Variants in DIP2A observed in about 807,000 individuals in gnomAD.
DIP2A encodes the protein disco-interacting protein 2 homolog A.
In DIP2A, 85 loss-of-function variants were observed where a neutral mutation model predicts 177.4. That is an observed-to-expected ratio of 0.48 (90% confidence interval 0.40 to 0.57). The LOEUF (loss-of-function observed/expected upper bound fraction) is 0.57. Among genes scored for constraint, DIP2A ranks in the 20% least tolerant of loss-of-function variants. The probability of loss-of-function intolerance (pLI) is 0.00; values close to 1 mark genes in which losing one functional copy is unlikely to be tolerated. For missense variants in DIP2A, 1,791 were observed against 2,100.2 expected (o/e 0.85, Z 2.88); for synonymous variants, 886 against 881.8 (o/e 1.00, Z -0.08).
At chr21:46,505,501 C>T (rs1426127000) in intron 6 of DIP2A, among the ~76,000 whole-genome samples, 2 of 151,994 alleles carry the variant, frequency 1.3e-5, no homozygotes, top group Non-Finnish European at 2.9e-5. Context: ...CCCAGCTACT[C>T]GGGAGACTGA....
At position 46,554,905 on chromosome 21, in the gene DIP2A, C is replaced by T. The variant is rs1196643347; in HGVS notation, c.3360C>T (p.Ile1120=). The T allele has an allele frequency of 6.4e-6, 10 of 1,552,436 alleles. No individual in the cohort carries two copies. Among genetic ancestry groups the T allele is most frequent in the Non-Finnish European group, 8.7e-6 (10 of 1,148,170 alleles). The part of the protein sequence containing the change: ...RSKEAAAAVD[I]RTWPTILDTD... ...AGGAGGCTGCTGCTGCCGTGGACAT[C>T]AGGACCTGGCCCACCATCCTAGACA... is the stretch of plus-strand genomic sequence containing the variant. Residue 1120 remains isoleucine, a synonymous_variant, in exon 28 of 38, where the codon ATC becomes ATT. Coordinates refer to ENST00000417564, the MANE Select transcript of DIP2A (RefSeq NM_015151.4).
rs367616491 is a variant in DIP2A at position 46,498,646 on chromosome 21, G to T, written c.468G>T (p.Pro156=). ...LRRPGRLTST[P]LQSHSSVEPW... is the part of the protein sequence containing the mutation. Reference sequence around the variant, plus strand: ...GACCCGGGCGACTCACCTCCACTCCGCTCCAGAGCCATTCCAGCGTCGAGC... The same window carrying T: ...GACCCGGGCGACTCACCTCCACTCCTCTCCAGAGCCATTCCAGCGTCGAGC... The change falls in exon 5 of 38, where the codon CCG becomes CCT. Residue 156 remains proline, a synonymous_variant. Coordinates refer to ENST00000417564, the MANE Select transcript of DIP2A (RefSeq NM_015151.4). This position sits in a 1 kb window ranked among gnomAD's most constrained non-coding sequence, Gnocchi z 4.3. 4 of 1,613,500 alleles carry T rather than the reference G, an allele frequency of 2.5e-6. No individual in the cohort carries two copies. The highest frequency in any genetic ancestry group is 2.2e-5 in the East Asian group (1 of 44,866).
At chr21:46,546,593 T>C (rs1262769981) in intron 20 of DIP2A, among the ~76,000 whole-genome samples, 1 of 152,200 alleles carries the variant, frequency 6.6e-6, no homozygotes, top group Non-Finnish European at 1.5e-5. Flanking sequence ...CCACAACTCG[T>C]TTCCCACTTG....
chr21:46,467,530 C>T (rs917343035), intron 1 of DIP2A, among the ~76,000 whole-genome samples: 1 of 152,064 alleles, frequency 6.6e-6, no homozygotes, highest in Admixed American at 6.6e-5. Context: ...ACATGGATGT[C>T]ATCATCTATT....
At chr21:46,578,178 G>C in the DIP2A span, among the ~76,000 whole-genome samples, 1 of 152,166 alleles carries the variant, frequency 6.6e-6, no homozygotes, top group Non-Finnish European at 1.5e-5. Flanking sequence ...CAGGCGTGGT[G>C]GTGTGTGCCT....
the DIP2A span, among the ~76,000 whole-genome samples, chr21:46,579,321 A>G: frequency 6.6e-6 from 1 of 151,974 alleles, no homozygotes; most frequent in Non-Finnish European, 1.5e-5. Context: ...TATCATTTTC[A>G]TTGTGTCCAT....
intron 1 of DIP2A, among the ~76,000 whole-genome samples, chr21:46,477,574 T>TGTGTGTGTGTGTGTA (rs1292980032): frequency 1.1e-5 from 1 of 93,722 alleles, no homozygotes; most frequent in Non-Finnish European, 2.5e-5. Context: ...TGTGTATTTC[T>TGTGTGTGTGTGTGTA]TTTTTTTTTT....
rs565387642 is a variant in DIP2A, at chr21:46,529,328, G to A, written c.1194+145G>A. ...AAAATCAGCAGTGAGGACTGGGTGC[G>A]GTGGCTCATGCCTGTAATCCTAGCA... On this transcript the variant is annotated intron_variant, in intron 9 of 37. Transcript: ENST00000417564. 4.2e-5 allele frequency: 25 copies of A among 596,284 alleles called. 1 individual carries two copies. The highest frequency in any genetic ancestry group is 3.8e-4 in the Middle Eastern group (1 of 2,598). The allele number at this position is 596,284 out of a possible 1,614,324, so 36.9% of individuals were successfully genotyped here.
chr21:46,491,017 G>A (rs1381466243), intron 3 of DIP2A, among the ~76,000 whole-genome samples: 1 of 152,044 alleles, frequency 6.6e-6, no homozygotes, highest in Non-Finnish European at 1.5e-5. Flanking sequence ...TAAAACTTTT[G>A]TACACTTTTT....
chr21:46,488,806 CCTT>C (rs1409185685), intron 2 of DIP2A, among the ~76,000 whole-genome samples: 1 of 152,128 alleles, frequency 6.6e-6, no homozygotes, highest in Non-Finnish European at 1.5e-5. Context: ...TATATCTACT[CCTT>C]CATCCAATAA....
chr21:46,473,376 T>C (rs1170390669), intron 1 of DIP2A, among the ~76,000 whole-genome samples: 3 of 149,578 alleles, frequency 2.0e-5, no homozygotes, highest in Non-Finnish European at 4.4e-5. Context: ...TGTGGGAGGA[T>C]TGCTTGAGAT....
chr21:46,473,168 G>C (rs1013728684), intron 1 of DIP2A, among the ~76,000 whole-genome samples: 1 of 152,122 alleles, frequency 6.6e-6, no homozygotes, highest in Non-Finnish European at 1.5e-5. Flanking sequence ...AAATGAGCAA[G>C]ATGAAAATAT....
At chr21:46,495,038 A>G (rs890936553) in intron 3 of DIP2A, among the ~76,000 whole-genome samples, 3 of 152,158 alleles carry the variant, frequency 2.0e-5, no homozygotes, top group East Asian at 3.9e-4. Context: ...GTACAGAGGT[A>G]AGACAGACTT....
At chr21:46,474,820 T>C (rs1303738983) in intron 1 of DIP2A, among the ~76,000 whole-genome samples, 3 of 152,156 alleles carry the variant, frequency 2.0e-5, no homozygotes, top group African/African-American at 7.2e-5. Flanking sequence ...TAGTCTAGGT[T>C]CTGGGAAATT....
chr21:46,494,151 A>G (rs975112091), intron 3 of DIP2A, among the ~76,000 whole-genome samples: 5 of 152,220 alleles, frequency 3.3e-5, no homozygotes, highest in African/African-American at 1.2e-4. Context: ...CAATGTTCAT[A>G]TGGCTTTTGC....
chr21:46,548,151 G>A (rs919028821), intron 21 of DIP2A, among the ~76,000 whole-genome samples: 1 of 152,072 alleles, frequency 6.6e-6, no homozygotes, highest in African/African-American at 2.4e-5. Context: ...CAGGGGGCTG[G>A]GAAGGGCAGG....
intron 11 of DIP2A, 52 bp from the exon 12 acceptor site, chr21:46,533,952 G>T: frequency 1.4e-6 from 2 of 1,479,674 alleles, no homozygotes; most frequent in South Asian, 1.2e-5. Context: ...CGAGTGTGGG[G>T]AGCAGATGCC....
chr21:46,468,783 A>G (rs2055089710), intron 1 of DIP2A, among the ~76,000 whole-genome samples: 1 of 152,310 alleles, frequency 6.6e-6, no homozygotes, highest in Middle Eastern at 3.4e-3. Flanking sequence ...ACAGGGATAT[A>G]CTTACCTTTA....
At chr21:46,542,869 C>G (rs1043313811) in intron 18 of DIP2A, among the ~76,000 whole-genome samples, 1 of 152,242 alleles carries the variant, frequency 6.6e-6, no homozygotes, top group African/African-American at 2.4e-5. Context: ...CTTGTGCCTG[C>G]AACTCTGCCT....
Sources: allele counts gnomAD v4.1 joint callset (sites outside exome capture counted in the v4.1 genomes callset), GRCh38; gene constraint gnomAD v4.1.1; non-coding constraint Gnocchi (gnomAD v3.1); transcripts MANE v1.5; gene names NCBI Gene and HGNC (gene_info 2026-07-23, HGNC 2026-07-21).